CCL1: variants seen among roughly 807,000 people sequenced by gnomAD.
CCL1 encodes C-C motif chemokine ligand 1, also known as C-C motif chemokine 1.
Under a neutral mutation model 7.5 loss-of-function variants are expected in CCL1, and 9 were observed. That is an observed-to-expected ratio of 1.20 (90% CI 0.72 to 2.09). The LOEUF is 2.09. Ranked by LOEUF, CCL1 falls within the 30% of genes most tolerant of loss-of-function variation. CCL1 has a pLI of 0.00. For synonymous variants in CCL1, 48 were observed against 44.7 expected (o/e 1.07, Z -0.30); for missense variants, 110 against 113.7 (o/e 0.97, Z 0.15).
chr17:34,363,026 G>T, intron 1 of CCL1, 60 bp downstream of exon 1: 1 of 1,510,688 alleles, frequency 6.6e-7, no homozygotes. Flanking sequence ...CAACCCCAGA[G>T]TGGCTGACCA....
chr17:34,361,749 G>T (rs1009271579), intron 2 of CCL1, 36 bp downstream of exon 2: 2 of 1,358,032 alleles, frequency 1.5e-6, no homozygotes, highest in African/African-American at 2.9e-5. Flanking sequence ...GCGGGGTTCT[G>T]TTCTCTAGGG....
rs1597614504 is a variant in CCL1, at chr17:34,360,742, G to A, written c.189-81C>T. On this transcript the variant is annotated intron_variant, in intron 2 of 2. Transcript: ENST00000225842. ...CAACGCACAAGCCCCGCCTCCTCCG[G>A]CTGCCAGGTCCCCTAAACTGCTCTT... 7.6e-6 allele frequency: 8 copies of A among 1,056,950 alleles called. No homozygotes were observed. The East Asian group carries it at 1.9e-4, about 25-fold the overall frequency. 65.5% of individuals were successfully genotyped at this position (1,056,950 alleles called of 1,614,324 possible).
Position 34,360,643 on chromosome 17 carries a change from G to C in CCL1, c.207C>G (p.Gly69=). 1.2e-6 allele frequency: 2 copies of C among 1,613,030 alleles called. No homozygotes were observed. The highest frequency in any genetic ancestry group is 2.7e-5 in the African/African-American group (2 of 74,908). Residue 69 remains glycine (G), a synonymous_variant, in exon 3 of 3, where the codon GGC becomes GGG. Coordinates refer to ENST00000225842, the MANE Select transcript of CCL1 (RefSeq NM_002981.2). The part of the protein sequence containing the change: ...NEGLIFKLKR[G]KEACALDTVG... ...CTGTGTCCAAGGCGCAGGCCTCTTT[G>C]CCTCTCTTCAGCTTGAATCTGTGAA...
rs1425545343 is a variant in CCL1, at chr17:34,360,601, C to T, written c.249G>A (p.Arg83=). 3 of 1,613,742 alleles carry T rather than the reference C, an allele frequency of 1.9e-6. No individual in the cohort carries two copies. The Admixed American group carries it at 5.0e-5, about 27-fold the overall frequency. ...CALDTVGWVQ[R]HRKMLRHCPS... ...GGCAGTGCCTCAGCATTTTTCTGTGCCTCTGAACCCATCCAACTGTGTCCA... is the reference window on the plus strand; with the variant it reads ...GGCAGTGCCTCAGCATTTTTCTGTGTCTCTGAACCCATCCAACTGTGTCCA... The change falls in exon 3 of 3, where the codon AGG becomes AGA. Residue 83 remains arginine, a synonymous_variant. Transcript: ENST00000225842.
chr17:34,362,713 G>C (rs189407819), intron 1 of CCL1, among the ~76,000 whole-genome samples: 7 of 152,238 alleles, frequency 4.6e-5, no homozygotes, highest in African/African-American at 1.7e-4. Context: ...GTGACCAATT[G>C]TTAGAGCCCG....
At chr17:34,362,303 T>A (rs1910527799) in intron 1 of CCL1, among the ~76,000 whole-genome samples, 1 of 152,184 alleles carries the variant, frequency 6.6e-6, no homozygotes, top group South Asian at 2.1e-4. Context: ...ACCTGGTTAG[T>A]CTGATGCAGG....
At position 34,360,506 on chromosome 17, in the gene CCL1, G is replaced by A. The variant is rs946137427; in HGVS notation, c.*53C>T. On this transcript the variant is annotated 3_prime_UTR_variant, in exon 3 of 3. Coordinates refer to ENST00000225842, the MANE Select transcript of CCL1 (RefSeq NM_002981.2). ...GGAATGGTGTAGGGCTGGTAGTTTCGGGGACAGGTGAAGCCATGTGGTTTC... is the reference window on the plus strand; with the variant it reads ...GGAATGGTGTAGGGCTGGTAGTTTCAGGGACAGGTGAAGCCATGTGGTTTC... The A allele has an allele frequency of 3.0e-5, 40 of 1,354,818 alleles. No homozygotes were observed. The highest frequency in any genetic ancestry group is 5.7e-5 in the African/African-American group (4 of 69,954). The allele number at this position is 1,354,818 out of a possible 1,614,324, so 83.9% of individuals were successfully genotyped here. A position where few individuals can be genotyped will look rare whatever the true frequency, so the allele number is the denominator to read the frequency against.
At chr17:34,362,427 A>T (rs967880966) in intron 1 of CCL1, among the ~76,000 whole-genome samples, 3 of 151,896 alleles carry the variant, frequency 2.0e-5, no homozygotes, top group Non-Finnish European at 4.4e-5. Flanking sequence ...TAGCTGCCCT[A>T]CTCAGTCTCT....
intron 2 of CCL1, 37 bp from the exon 3 acceptor site, chr17:34,360,698 C>T: frequency 2.6e-6 from 4 of 1,527,122 alleles, no homozygotes; most frequent in Admixed American, 1.7e-5. Context: ...CTGAGCCACC[C>T]AAGCCACCAC....
chr17:34,361,256 A>C lies in CCL1; in HGVS notation c.188+529T>G, dbSNP rs1597614659. On this transcript the variant is annotated intron_variant, in intron 2 of 2. Transcript: ENST00000225842. The stretch of plus-strand genomic sequence containing the variant: ...TGCCCCAAGAGGATCGACAGAGAGA[A>C]TATACATGAAAAAGCCTTAAAATAC... Among the ~76,000 whole-genome samples the C allele has an allele frequency of 2.6e-5, 4 of 152,314 alleles. No individual in the cohort carries two copies. In the East Asian group the frequency reaches 7.7e-4, roughly 29 times the overall value.
In CCL1 at chr17:34,360,503, T is replaced by G. The variant is rs1463966077; in HGVS notation, c.*56A>C. The stretch of plus-strand genomic sequence containing the variant: ...GAAGGAATGGTGTAGGGCTGGTAGT[T>G]TCGGGGACAGGTGAAGCCATGTGGT... On this transcript the variant is annotated 3_prime_UTR_variant, in exon 3 of 3. Transcript: ENST00000225842. 7 of 1,336,342 alleles carry G rather than the reference T, an allele frequency of 5.2e-6. No individual in the cohort carries two copies. The East Asian group carries it at 1.4e-4, about 26-fold the overall frequency. 82.8% of individuals were successfully genotyped at this position (1,336,342 alleles called of 1,614,324 possible).
At chr17:34,362,345 TG>T (rs756814631) in intron 1 of CCL1, among the ~76,000 whole-genome samples, 5 of 152,156 alleles carry the variant, frequency 3.3e-5, no homozygotes, top group African/African-American at 7.2e-5. Context: ...AGACCTGATC[TG>T]GGGAAGATTA....
At chr17:34,361,357 G>A (rs1910502356) in intron 2 of CCL1, among the ~76,000 whole-genome samples, 1 of 152,224 alleles carries the variant, frequency 6.6e-6, no homozygotes, top group Non-Finnish European at 1.5e-5. Flanking sequence ...ACCCTTCACA[G>A]ATAAGGAATA....
chr17:34,362,678 G>A (rs1361058143), intron 1 of CCL1, among the ~76,000 whole-genome samples: 1 of 152,142 alleles, frequency 6.6e-6, no homozygotes. Context: ...AGTAGAGTTT[G>A]AGAGCTAAAG....
At chr17:34,361,978 A>C in intron 1 of CCL1, 82 bp from the exon 2 acceptor site, 5 of 909,726 alleles carry the variant, frequency 5.5e-6, no homozygotes, top group East Asian at 2.6e-5. Context: ...ACAAACAAAA[A>C]AACGCCTCCC....
intron 1 of CCL1, among the ~76,000 whole-genome samples, chr17:34,362,599 T>G (rs892771746): frequency 7.2e-5 from 11 of 152,144 alleles, no homozygotes; most frequent in African/African-American, 2.7e-4. Context: ...TCATGCCTCT[T>G]ACTAGGTTGG....
intron 2 of CCL1, among the ~76,000 whole-genome samples, chr17:34,361,220 A>G (rs1180219305): frequency 6.6e-6 from 1 of 151,660 alleles, no homozygotes; most frequent in African/African-American, 2.4e-5. Flanking sequence ...TTTCATGATA[A>G]CAAAAATATG....
chr17:34,362,980 G>A (rs1910545694), intron 1 of CCL1, 106 bp downstream of exon 1: 2 of 968,488 alleles, frequency 2.1e-6, no homozygotes, highest in Non-Finnish European at 3.2e-6. Flanking sequence ...AGGAAGAGGG[G>A]AGATAGAGTT....
At chr17:34,363,044 G>T (rs747906513) in intron 1 of CCL1, 42 bp downstream of exon 1, 12 of 1,589,626 alleles carry the variant, frequency 7.5e-6, no homozygotes, top group African/African-American at 2.7e-5. Flanking sequence ...CCACGTTTCT[G>T]CCCTCCCCAG....
Sources: allele counts gnomAD v4.1 joint callset (sites outside exome capture counted in the v4.1 genomes callset), GRCh38; gene constraint gnomAD v4.1.1; transcripts MANE v1.5; gene names NCBI Gene and HGNC (gene_info 2026-07-23, HGNC 2026-07-21).